CDHR3: variants seen among roughly 807,000 people sequenced by gnomAD.
The protein encoded by CDHR3 is cadherin related family member 3.
CDHR3 carries 79 observed loss-of-function variants against 86.6 expected under a neutral mutation model. That is an observed-to-expected ratio of 0.91 (90% CI 0.76 to 1.10). The LOEUF (loss-of-function observed/expected upper bound fraction) is 1.10, where lower values mean the gene tolerates loss of function less well. CDHR3 is among the 50% of genes least tolerant of loss of function. CDHR3 has a pLI of 0.00. For missense variants in CDHR3, 1,081 were observed against 1,077.6 expected (o/e 1.00, Z -0.04); for synonymous variants, 421 against 402.4 (o/e 1.05, Z -0.55).
Position 105,994,845 on chromosome 7 carries a change from G to T in CDHR3, c.608G>T (p.Ser203Ile). 8 of 1,601,972 alleles carry T rather than the reference G, an allele frequency of 5.0e-6. No individual in the cohort carries two copies. Among genetic ancestry groups the T allele is most frequent in the Non-Finnish European group, 6.8e-6 (8 of 1,172,492 alleles). The part of the protein sequence containing the change: ...TELDFEAGHR[S>I]FHLIVEVRDS... ...TTGGACTTTGAAGCAGGACACAGAA[G>T]GTAGTCTTGCTATTGACCTTGCATG... is the stretch of plus-strand genomic sequence containing the variant. Residue 203 changes from serine (S) to isoleucine (I), a missense_variant and splice_region_variant, in exon 5 of 19, where the codon AGT becomes ATT. Ser to Ile is a moderately radical substitution (Grantham distance 142). Transcript: ENST00000317716.
intron 1 of CDHR3, among the ~76,000 whole-genome samples, chr7:105,974,175 C>T (rs1828414882): frequency 6.6e-6 from 1 of 152,138 alleles, no homozygotes; most frequent in Admixed American, 6.5e-5. Flanking sequence ...TGTAAAATTC[C>T]CTGCCTGTAA....
At chr7:106,022,475 C>T in intron 14 of CDHR3, 27 bp downstream of exon 14, 1 of 1,606,504 alleles carries the variant, frequency 6.2e-7, no homozygotes, top group Non-Finnish European at 8.5e-7. Flanking sequence ...CTGGAATCCC[C>T]AGGCACATTC....
intron 2 of CDHR3, among the ~76,000 whole-genome samples, chr7:105,975,970 C>T (rs899563969): frequency 6.6e-5 from 10 of 152,200 alleles, no homozygotes; most frequent in East Asian, 1.9e-4. Context: ...AGCAGACCTG[C>T]GGAACCCATG....
chr7:105,975,160 C>T, intron 2 of CDHR3, 114 bp downstream of exon 2: 1 of 939,080 alleles, frequency 1.1e-6, no homozygotes, highest in Non-Finnish European at 1.7e-6. Flanking sequence ...AATCTTCCCT[C>T]TTGTAAGGTC....
intron 16 of CDHR3, 56 bp downstream of exon 16, chr7:106,026,751 A>G: frequency 6.3e-7 from 1 of 1,588,660 alleles, no homozygotes; most frequent in Non-Finnish European, 8.6e-7. Flanking sequence ...CTGTTGTGCT[A>G]CGTAAAAAGG....
At chr7:105,975,200 C>T (rs1260433777) in intron 2 of CDHR3, among the ~76,000 whole-genome samples, 154 bp downstream of exon 2, 1 of 152,184 alleles carries the variant, frequency 6.6e-6, no homozygotes, top group African/African-American at 2.4e-5. Context: ...ATCCCAGGGC[C>T]TTCTGTGCTA....
chr7:106,022,478 G>C (rs373350580), intron 14 of CDHR3, 30 bp downstream of exon 14: 2 of 1,604,988 alleles, frequency 1.2e-6, no homozygotes, highest in African/African-American at 2.7e-5. Context: ...GAATCCCCAG[G>C]CACATTCCCT....
chr7:106,029,111 C>T (rs1837938737), intron 17 of CDHR3, among the ~76,000 whole-genome samples: 1 of 152,034 alleles, frequency 6.6e-6, no homozygotes, highest in African/African-American at 2.4e-5. Context: ...TCCCAAGTAG[C>T]TGGGATTACA....
chr7:105,976,581 AACCCTGT>A (rs764129975), intron 2 of CDHR3, among the ~76,000 whole-genome samples: 16 of 152,148 alleles, frequency 1.1e-4, no homozygotes, highest in Non-Finnish European at 1.9e-4. Context: ...CCCAAAACAA[AACCCTGT>A]ACCCATTAGC....
At chr7:105,982,979 T>A (rs1267083881) in intron 3 of CDHR3, among the ~76,000 whole-genome samples, 2 of 59,656 alleles carry the variant, frequency 3.4e-5, no homozygotes, top group African/African-American at 1.0e-4. Flanking sequence ...CAAGACCCTA[T>A]CTCAAAAAAA....
At chr7:105,980,267 T>G (rs1391135917) in intron 2 of CDHR3, among the ~76,000 whole-genome samples, 1 of 152,232 alleles carries the variant, frequency 6.6e-6, no homozygotes, top group South Asian at 2.1e-4. Context: ...TATTCTTTTT[T>G]TAAATTTTTT....
At position 106,032,587 on chromosome 7, in the gene CDHR3, G is replaced by A. The variant is rs557032453; in HGVS notation, c.2548G>A (p.Glu850Lys). Residue 850 changes from glutamate (E) to lysine (K), a missense_variant, in exon 19 of 19, where the codon GAG becomes AAG. Physicochemically the swap from Glu to Lys is moderately conservative, Grantham distance 56. Coordinates refer to ENST00000317716, the MANE Select transcript of CDHR3 (RefSeq NM_152750.5). ...TGAGCTGAGTGGCAAAGCGTGGGCT[G>A]AGGATGCTGGTCTGGGTTCCAGAAA... ...EDELSGKAWA[E>K]DAGLGSRNEG... The A allele has an allele frequency of 1.4e-5, 23 of 1,614,006 alleles. No individual in the cohort carries two copies. The South Asian group carries it at 2.2e-4, about 15-fold the overall frequency.
In CDHR3 at chr7:105,987,857, T is replaced by C. The variant is rs1186745203; in HGVS notation, c.513+3568T>C. On this transcript the variant is annotated intron_variant, in intron 4 of 18. Transcript: ENST00000317716. ...AATTTTGCATATTTGGCAAATATCT[T>C]AGGCAATTATTCTGGACGAAAAGGC... 2.0e-5 allele frequency among the ~76,000 whole-genome samples: 3 copies of C among 152,354 alleles called. No individual in the cohort carries two copies. The East Asian group carries it at 5.8e-4, about 29-fold the overall frequency.
chr7:105,973,161 G>A (rs1828235632), intron 1 of CDHR3, among the ~76,000 whole-genome samples: 1 of 152,132 alleles, frequency 6.6e-6, no homozygotes, highest in Admixed American at 6.5e-5. Context: ...GGGGACCTGT[G>A]TAAATCTTGG....
At chr7:105,990,594 G>C (rs532206060) in intron 4 of CDHR3, among the ~76,000 whole-genome samples, 9 of 152,288 alleles carry the variant, frequency 5.9e-5, no homozygotes, top group African/African-American at 1.7e-4. Flanking sequence ...TCAGTGGCTT[G>C]TGGAGCCATT....
rs369661867 is a variant in CDHR3, at chr7:106,022,442, C to T, written c.2070C>T (p.Thr690=). ...ACCCAACCACTATCATCACCACGAC[C>T]CCCAGGGTAAGGGCTTTAGGACCTG... ...IPHPTTIITT[T]PRPRVTYQVL... Residue 690 remains threonine, a synonymous_variant, in exon 14 of 19, where the codon ACC becomes ACT. Transcript: ENST00000317716. 4 of 1,613,482 alleles carry T rather than the reference C, an allele frequency of 2.5e-6. No homozygotes were observed. The African/African-American group carries it at 5.3e-5, about 22-fold the overall frequency.
At chr7:106,006,301 C>T (rs545614394) in intron 8 of CDHR3, among the ~76,000 whole-genome samples, 7 of 152,288 alleles carry the variant, frequency 4.6e-5, no homozygotes, top group African/African-American at 1.4e-4. Flanking sequence ...CAGCCCTTCC[C>T]AAATCTCACG....
chr7:105,980,929 C>G (rs748784806), intron 2 of CDHR3, 39 bp from the exon 3 acceptor site: 18 of 1,561,072 alleles, frequency 1.2e-5, no homozygotes, highest in Admixed American at 1.9e-5. Context: ...AACAGATCTT[C>G]TTTCACATGG....
intron 3 of CDHR3, among the ~76,000 whole-genome samples, chr7:105,983,584 G>A (rs1224860053): frequency 6.6e-6 from 1 of 152,104 alleles, no homozygotes; most frequent in African/African-American, 2.4e-5. Context: ...TGAGAGCTCT[G>A]TGGCCCCTTG....
Sources: allele counts gnomAD v4.1 joint callset (sites outside exome capture counted in the v4.1 genomes callset), GRCh38; gene constraint gnomAD v4.1.1; transcripts MANE v1.5; gene names NCBI Gene and HGNC (gene_info 2026-07-23, HGNC 2026-07-21).